RAB43: variants seen among roughly 807,000 people sequenced by gnomAD.
The protein encoded by RAB43 is RAB43, member RAS oncogene family, also known as ras-related protein Rab-43.
RAB43 carries 6 observed loss-of-function variants against 18.8 expected under a neutral mutation model. The observed-to-expected ratio is 0.32, with a 90% CI of 0.17 to 0.63. RAB43 has a LOEUF of 0.63. Ranked by LOEUF, RAB43 falls within the 30% of genes least tolerant of loss-of-function variation. RAB43 has a pLI of 0.79. For missense variants in RAB43, 195 were observed against 289.1 expected, an observed-to-expected ratio of 0.67 and a Z score of 2.36; for synonymous variants, 103 against 124.1, an observed-to-expected ratio of 0.83 and a Z score of 1.13.
intron 1 of RAB43, among the ~76,000 whole-genome samples, chr3:129,109,943 C>T (rs1935048391): frequency 6.6e-6 from 1 of 151,596 alleles, no homozygotes; most frequent in African/African-American, 2.4e-5. Flanking sequence ...TGGCTCACTG[C>T]AGCCTCGACC....
At chr3:129,109,742 A>AAATAATAAT (rs530716127) in intron 1 of RAB43, among the ~76,000 whole-genome samples, 1 of 150,586 alleles carries the variant, frequency 6.6e-6, no homozygotes, top group African/African-American at 2.4e-5. Flanking sequence ...ACTCCATCTA[A>AAATAATAAT]AATAATAATA....
intron 1 of RAB43, among the ~76,000 whole-genome samples, chr3:129,114,949 G>T (rs974419636): frequency 1.3e-5 from 2 of 152,070 alleles, no homozygotes; most frequent in Non-Finnish European, 2.9e-5. Flanking sequence ...GGGCAACTAG[G>T]CTGAGAAACC....
intron 1 of RAB43, among the ~76,000 whole-genome samples, chr3:129,103,251 TC>T (rs1321599894): frequency 6.6e-6 from 1 of 151,910 alleles, no homozygotes; most frequent in African/African-American, 2.4e-5. Context: ...TACCCACTTA[TC>T]CCCACCTCCC....
In RAB43 at chr3:129,094,501, CTTTCTTTTTTTTT is replaced by C. The variant is rs1435883676; in HGVS notation, c.388+472_388+484del. ...CCTCTAATTCCAATTTTGAATATAACTTTCTTTTTTTTTTTTTTTTTTTTTTTTTTTTGAGACG... is the reference window on the plus strand; with the variant it reads ...CCTCTAATTCCAATTTTGAATATAACTTTTTTTTTTTTTTTTTTTGAGACG... On this transcript the variant is annotated intron_variant, in intron 2 of 2. Coordinates refer to ENST00000315150, the MANE Select transcript of RAB43 (RefSeq NM_198490.3). Among the ~76,000 whole-genome samples the C allele has an allele frequency of 2.9e-4, 22 of 76,372 alleles. 3 individuals are homozygous for C. The highest frequency in any genetic ancestry group is 1.5e-3 in the Admixed American group (9 of 5,820). 50.1% of individuals were successfully genotyped at this position (76,372 alleles called of 152,430 possible). A position where few individuals can be genotyped will look rare whatever the true frequency, so the allele number is the denominator to read the frequency against.
In RAB43 at chr3:129,090,294, C is replaced by T. The variant is rs1477587891; in HGVS notation, c.*802G>A. The T allele has an allele frequency of 7.1e-6, 1 of 140,110 alleles. No homozygotes were observed. Among genetic ancestry groups the T allele is most frequent in the Non-Finnish European group, 1.5e-5 (1 of 64,676 alleles). The allele number at this position is 140,110 out of a possible 1,614,324, so 8.7% of individuals were successfully genotyped here. Reference sequence around the variant, plus strand: ...CTTCTACTTGGACCTTAAATGTCCACTTTCTCATCTCATTCCCCCACCTGC... The same window carrying T: ...CTTCTACTTGGACCTTAAATGTCCATTTTCTCATCTCATTCCCCCACCTGC... On this transcript the variant is annotated 3_prime_UTR_variant, in exon 3 of 3. Coordinates refer to ENST00000315150, the MANE Select transcript of RAB43 (RefSeq NM_198490.3).
chr3:129,102,742 C>T (rs1294052830), intron 1 of RAB43, among the ~76,000 whole-genome samples: 2 of 151,916 alleles, frequency 1.3e-5, no homozygotes, highest in Non-Finnish European at 2.9e-5. Flanking sequence ...TACTATATTC[C>T]AAAAGAGGAG....
At chr3:129,094,505 C>CTT (rs200896936) in intron 2 of RAB43, among the ~76,000 whole-genome samples, 2,723 of 69,084 alleles carry the variant, frequency 0.039, 935 homozygotes, top group African/African-American at 0.065. Context: ...ATATAACTTT[C>CTT]TTTTTTTTTT....
chr3:129,093,935 T>C (rs1369232665), intron 2 of RAB43, among the ~76,000 whole-genome samples: 1 of 152,060 alleles, frequency 6.6e-6, no homozygotes, highest in Non-Finnish European at 1.5e-5. Flanking sequence ...TAAGACTCTG[T>C]CTCAAAAAAA....
At chr3:129,098,512 T>C (rs2107991193) in intron 1 of RAB43, among the ~76,000 whole-genome samples, 1 of 152,270 alleles carries the variant, frequency 6.6e-6, no homozygotes, top group East Asian at 1.9e-4. Context: ...TGAAAATTGC[T>C]AAACGTGCAA....
At chr3:129,104,586 A>G (rs1478952656) in intron 1 of RAB43, among the ~76,000 whole-genome samples, 1 of 152,114 alleles carries the variant, frequency 6.6e-6, no homozygotes, top group African/African-American at 2.4e-5. Context: ...TAAGTTTCAT[A>G]TGGGGTGGGG....
At chr3:129,094,910 C>T in intron 2 of RAB43, 76 bp downstream of exon 2, 4 of 1,546,756 alleles carry the variant, frequency 2.6e-6, no homozygotes, top group Non-Finnish European at 3.5e-6. Context: ...CAGGGTTACA[C>T]TGTGTTTAAA....
chr3:129,093,977 G>A (rs1437190150), intron 2 of RAB43, among the ~76,000 whole-genome samples: 1 of 152,196 alleles, frequency 6.6e-6, no homozygotes, highest in South Asian at 2.1e-4. Context: ...GGACCCCAGG[G>A]ATAACATAAG....
In RAB43 at chr3:129,091,073, C is replaced by A; in HGVS notation, c.*23G>T. On this transcript the variant is annotated 3_prime_UTR_variant, in exon 3 of 3. Coordinates refer to ENST00000315150, the MANE Select transcript of RAB43 (RefSeq NM_198490.3). ...GGAGAGCAAGGAGGTGGGGAACCCCCAGTCTGCCGGCCCGGCCCCTGGTCA... is the reference window on the plus strand; with the variant it reads ...GGAGAGCAAGGAGGTGGGGAACCCCAAGTCTGCCGGCCCGGCCCCTGGTCA... 1 of 1,608,390 alleles carries A rather than the reference C, an allele frequency of 6.2e-7. No homozygotes were observed.
chr3:129,112,247 C>T (rs1183434007), intron 1 of RAB43, among the ~76,000 whole-genome samples: 1 of 150,248 alleles, frequency 6.7e-6, no homozygotes, highest in African/African-American at 2.5e-5. Context: ...CAGAGTGAGA[C>T]CTTGAGACCC....
chr3:129,094,627 G>T (rs1933910658), intron 2 of RAB43, among the ~76,000 whole-genome samples: 2 of 134,656 alleles, frequency 1.5e-5, no homozygotes. Flanking sequence ...CCATTCTCCT[G>T]CCTCAGCCTC....
chr3:129,103,725 C>T (rs943816487), intron 1 of RAB43, among the ~76,000 whole-genome samples: 3 of 152,124 alleles, frequency 2.0e-5, no homozygotes, highest in Non-Finnish European at 2.9e-5. Flanking sequence ...CCACCACGCC[C>T]GGCTAATTCT....
At chr3:129,115,685 GT>G (rs1005944626) in intron 1 of RAB43, among the ~76,000 whole-genome samples, 4 of 151,928 alleles carry the variant, frequency 2.6e-5, no homozygotes, top group Non-Finnish European at 4.4e-5. Flanking sequence ...GCTGGGTGTG[GT>G]AGTGGGCACC....
intron 1 of RAB43, among the ~76,000 whole-genome samples, chr3:129,111,012 C>A (rs546342221): frequency 6.6e-6 from 1 of 151,944 alleles, no homozygotes; most frequent in South Asian, 2.1e-4. Context: ...ACCACAAATG[C>A]ACAGCAAACT....
At chr3:129,092,058 TAAAAAAA>T (rs1012657876) in intron 2 of RAB43, among the ~76,000 whole-genome samples, 5 of 59,618 alleles carry the variant, frequency 8.4e-5, no homozygotes, top group South Asian at 4.9e-4. Flanking sequence ...AACTCCGTCA[TAAAAAAA>T]AAAAAAAAAA....
Sources: allele counts gnomAD v4.1 joint callset (sites outside exome capture counted in the v4.1 genomes callset), GRCh38; gene constraint gnomAD v4.1.1; transcripts MANE v1.5; gene names NCBI Gene and HGNC (gene_info 2026-07-23, HGNC 2026-07-21).